The following ATP10A variants were observed in gnomAD, a reference collection of about 807,000 sequenced individuals.
The protein encoded by ATP10A is phospholipid-transporting ATPase VA.
In ATP10A, 111 loss-of-function variants were observed where a neutral mutation model predicts 147.8. The observed-to-expected ratio is 0.75, with a 90% CI of 0.64 to 0.88. The LOEUF (loss-of-function observed/expected upper bound fraction) is 0.88, where lower values mean the gene tolerates loss of function less well. Ranked by LOEUF, ATP10A falls within the 40% of genes least tolerant of loss-of-function variation. The pLI is 0.00. For synonymous variants in ATP10A, 875 were observed against 841.6 expected (o/e 1.04, Z -0.69); for missense variants, 1,927 against 1,959.0 (o/e 0.98, Z 0.31).
intron 1 of ATP10A, among the ~76,000 whole-genome samples, chr15:25,800,224 A>C (rs1488092364): frequency 2.0e-5 from 3 of 152,218 alleles, no homozygotes. Context: ...ATTTAAAATA[A>C]AGACAGAATC....
chr15:25,771,327 T>C (rs1052775929), intron 2 of ATP10A, among the ~76,000 whole-genome samples: 13 of 152,234 alleles, frequency 8.5e-5, no homozygotes, highest in Non-Finnish European at 1.5e-4. Flanking sequence ...CTCAGCACTT[T>C]GAGAGGCTAA....
intron 2 of ATP10A, among the ~76,000 whole-genome samples, chr15:25,736,496 C>T (rs1344715056): frequency 6.6e-6 from 1 of 152,170 alleles, no homozygotes; most frequent in Non-Finnish European, 1.5e-5. Flanking sequence ...TTGCCCATTT[C>T]TACAGACTTA....
intron 1 of ATP10A, among the ~76,000 whole-genome samples, chr15:25,820,840 A>C (rs184238346): frequency 2.2e-3 from 329 of 152,326 alleles, no homozygotes; most frequent in Non-Finnish European, 4.1e-3. Flanking sequence ...AATGTAGGCA[A>C]ATATTTGCAT....
chr15:25,762,167 A>G (rs75206990), intron 2 of ATP10A, among the ~76,000 whole-genome samples: 1 of 152,160 alleles, frequency 6.6e-6, no homozygotes, highest in Non-Finnish European at 1.5e-5. Flanking sequence ...TGTCAACCAT[A>G]TAAAGAATGA....
intron 12 of ATP10A, among the ~76,000 whole-genome samples, chr15:25,707,198 G>A: frequency 6.6e-6 from 1 of 152,188 alleles, no homozygotes; most frequent in Non-Finnish European, 1.5e-5. Flanking sequence ...AAATGTAGAT[G>A]TAAATATATA....
chr15:25,837,340 T>A (rs1181052734), intron 1 of ATP10A, among the ~76,000 whole-genome samples: 1 of 152,170 alleles, frequency 6.6e-6, no homozygotes, highest in Non-Finnish European at 1.5e-5. Flanking sequence ...TATGCAGCCT[T>A]TTAAAAGAAG....
chr15:25,810,650 C>T (rs908707728), intron 1 of ATP10A, among the ~76,000 whole-genome samples: 1 of 152,144 alleles, frequency 6.6e-6, no homozygotes, highest in Non-Finnish European at 1.5e-5. Context: ...ACAAGATCAA[C>T]AAGGCCTGTT....
intron 2 of ATP10A, among the ~76,000 whole-genome samples, chr15:25,770,993 G>A (rs1889303985): frequency 6.6e-6 from 1 of 152,200 alleles, no homozygotes; most frequent in Admixed American, 6.5e-5. Context: ...TCCAGGTAGA[G>A]GTCGTTCAGG....
intron 1 of ATP10A, among the ~76,000 whole-genome samples, chr15:25,789,945 G>A (rs1890336938): frequency 6.6e-6 from 1 of 152,164 alleles, no homozygotes; most frequent in Non-Finnish European, 1.5e-5. Context: ...GTTGAGAAAT[G>A]CTGCTTTAAA....
chr15:25,827,581 A>T (rs747808467), intron 1 of ATP10A, among the ~76,000 whole-genome samples: 91 of 152,202 alleles, frequency 6.0e-4, no homozygotes, highest in Non-Finnish European at 2.8e-4. Context: ...AATCTGACCT[A>T]CATTGCTGGA....
intron 2 of ATP10A, among the ~76,000 whole-genome samples, chr15:25,772,190 C>T (rs1302241397): frequency 6.6e-6 from 1 of 152,168 alleles, no homozygotes; most frequent in African/African-American, 2.4e-5. Flanking sequence ...GCTTTCTGAA[C>T]ACTGACTCAG....
intron 1 of ATP10A, among the ~76,000 whole-genome samples, chr15:25,806,401 C>T (rs1046902885): frequency 2.6e-5 from 4 of 152,122 alleles, no homozygotes; most frequent in Admixed American, 1.3e-4. Context: ...CAAGCTCTGC[C>T]TCCCAGGTTC....
chr15:25,713,983 A>C lies in ATP10A; in HGVS notation c.2035T>G (p.Ser679Ala). The change falls in exon 10 of 21, where the codon TCG (serine) becomes GCG (alanine). Residue 679 changes from serine (S) to alanine (A), a missense_variant. By Grantham distance (99) the Ser-to-Ala change is moderately conservative. Transcript: ENST00000555815. ...GYSSQADNWA[S>A]ELAQEQESER... ...GACTCCTGCTCCTGAGCAAGCTCCG[A>C]GGCCCAGTTGTCCGCCTGGCTGCTG... The C allele has an allele frequency of 6.2e-7, 1 of 1,609,866 alleles. No homozygotes were observed. The highest frequency in any genetic ancestry group is 8.5e-7 in the Non-Finnish European group (1 of 1,179,926).
intron 1 of ATP10A, among the ~76,000 whole-genome samples, chr15:25,846,537 G>C (rs1893031465): frequency 6.6e-6 from 1 of 152,068 alleles, no homozygotes; most frequent in South Asian, 2.1e-4. Context: ...GCGCAGAAGG[G>C]CCACCCCTGG....
chr15:25,771,613 T>C (rs1239553145), intron 2 of ATP10A, among the ~76,000 whole-genome samples: 1 of 152,152 alleles, frequency 6.6e-6, no homozygotes, highest in East Asian at 1.9e-4. Flanking sequence ...CTTTGTCTGA[T>C]GTAAAAATGT....
At chr15:25,758,946 C>T (rs945851876) in intron 2 of ATP10A, among the ~76,000 whole-genome samples, 1 of 152,196 alleles carries the variant, frequency 6.6e-6, no homozygotes, top group African/African-American at 2.4e-5. Context: ...TATCTGCTCT[C>T]CCCTGACTCC....
At chr15:25,771,043 G>A (rs1467479397) in intron 2 of ATP10A, among the ~76,000 whole-genome samples, 1 of 152,188 alleles carries the variant, frequency 6.6e-6, no homozygotes, top group Non-Finnish European at 1.5e-5. Context: ...AGTGCATGCT[G>A]TTTATAAGCG....
chr15:25,716,067 T>C (rs1339441635), intron 9 of ATP10A, among the ~76,000 whole-genome samples: 23 of 152,220 alleles, frequency 1.5e-4, no homozygotes, highest in Non-Finnish European at 7.3e-5. Context: ...TGAGCATTGC[T>C]ATATTTCCAG....
chr15:25,682,150 C>T lies in ATP10A; in HGVS notation c.3493-1076G>A, dbSNP rs571345728. On this transcript the variant is annotated intron_variant, in intron 17 of 20. Transcript: ENST00000555815. ...GAAGTAGGAATAGCACCTGAAATTCCGGGCATTCTCCCCCAGTTTGAGCCC... is the reference window on the plus strand; with the variant it reads ...GAAGTAGGAATAGCACCTGAAATTCTGGGCATTCTCCCCCAGTTTGAGCCC... 7.9e-5 allele frequency among the ~76,000 whole-genome samples: 12 copies of T among 151,732 alleles called. No homozygotes were observed. The South Asian group carries it at 1.5e-3, about 18-fold the overall frequency.
Sources: allele counts gnomAD v4.1 joint callset (sites outside exome capture counted in the v4.1 genomes callset), GRCh38; gene constraint gnomAD v4.1.1; transcripts MANE v1.5; gene names NCBI Gene and HGNC (gene_info 2026-07-23, HGNC 2026-07-21).